RBM6: variants seen among roughly 807,000 people sequenced by gnomAD.
RBM6 encodes RNA-binding protein 6.
In RBM6, 23 loss-of-function variants were observed where a neutral mutation model predicts 140.4. That is an observed-to-expected ratio of 0.16 (90% confidence interval 0.12 to 0.23). The LOEUF is 0.23. Ranked by LOEUF, RBM6 falls within the 10% of genes least tolerant of loss-of-function variation. RBM6 has a pLI of 1.00. For missense variants in RBM6, 1,139 were observed against 1,386.7 expected (o/e 0.82, Z 2.84); for synonymous variants, 439 against 475.6 (o/e 0.92, Z 1.00).
intron 6 of RBM6, among the ~76,000 whole-genome samples, chr3:50,013,385 AAT>A (rs1465745882): frequency 6.6e-6 from 1 of 152,084 alleles, no homozygotes; most frequent in African/African-American, 2.4e-5. Context: ...AAAAACAGTG[AAT>A]AGGCCGAACG....
chr3:50,069,400 T>C (rs1321968101), intron 18 of RBM6, among the ~76,000 whole-genome samples: 1 of 151,200 alleles, frequency 6.6e-6, no homozygotes, highest in Admixed American at 6.6e-5. Context: ...TAGTCCCAGC[T>C]ACTTGAGAGG....
intron 6 of RBM6, among the ~76,000 whole-genome samples, chr3:50,020,641 G>A (rs2087428267): frequency 6.6e-6 from 1 of 152,070 alleles, no homozygotes; most frequent in Admixed American, 6.6e-5. Flanking sequence ...GCACTCTTAG[G>A]CAATTTTGTC....
At chr3:50,046,368 T>C (rs2089223536) in intron 6 of RBM6, among the ~76,000 whole-genome samples, 1 of 150,908 alleles carries the variant, frequency 6.6e-6, no homozygotes, top group African/African-American at 2.4e-5. Context: ...TTACCTAAGG[T>C]TGGGAATTCG....
At chr3:50,023,074 C>T (rs1358460140) in intron 6 of RBM6, among the ~76,000 whole-genome samples, 2 of 152,086 alleles carry the variant, frequency 1.3e-5, no homozygotes, top group African/African-American at 4.8e-5. Flanking sequence ...ACATTCCAGC[C>T]TGGGTGACAG....
At chr3:50,051,041 A>G (rs112014890) in intron 7 of RBM6, among the ~76,000 whole-genome samples, 1 of 152,124 alleles carries the variant, frequency 6.6e-6, no homozygotes, top group East Asian at 1.9e-4. Flanking sequence ...TTTCTAAAGA[A>G]AAAAAAAGAG....
chr3:49,948,160 G>C (rs1350903820), intron 1 of RBM6, among the ~76,000 whole-genome samples: 1 of 152,094 alleles, frequency 6.6e-6, no homozygotes, highest in Admixed American at 6.6e-5. Context: ...CCATTCAGTT[G>C]ATTGGTCTTT....
intron 20 of RBM6, among the ~76,000 whole-genome samples, chr3:50,076,587 CA>C (rs972135584): frequency 5.0e-5 from 7 of 140,786 alleles, no homozygotes; most frequent in Non-Finnish European, 6.1e-5. Context: ...GACTCTGTCT[CA>C]AAAAAAAAAT....
chr3:49,992,668 T>C (rs550547859), intron 5 of RBM6, among the ~76,000 whole-genome samples: 1 of 152,320 alleles, frequency 6.6e-6, no homozygotes, highest in African/African-American at 2.4e-5. Flanking sequence ...AGAAGCTACT[T>C]TTCTTGTGTG....
At chr3:50,058,324 A>T in intron 9 of RBM6, 78 bp from the exon 10 acceptor site, 1 of 1,453,436 alleles carries the variant, frequency 6.9e-7, no homozygotes, top group African/African-American at 1.4e-5. Flanking sequence ...GTAAAAAATG[A>T]CAGTCAGATT....
intron 6 of RBM6, among the ~76,000 whole-genome samples, chr3:50,004,520 C>A (rs1440987937): frequency 6.6e-6 from 1 of 150,742 alleles, no homozygotes; most frequent in Non-Finnish European, 1.5e-5. Flanking sequence ...GCAACATTCC[C>A]CAGGCTGGTC....
chr3:49,959,355 A>ATT (rs1183057889), intron 1 of RBM6, among the ~76,000 whole-genome samples: 53 of 123,290 alleles, frequency 4.3e-4, no homozygotes, highest in African/African-American at 6.6e-4. Flanking sequence ...CGCCTGGCTA[A>ATT]TTTTTTTTTT....
chr3:50,063,596 A>T (rs942939354), intron 15 of RBM6, among the ~76,000 whole-genome samples: 1 of 134,978 alleles, frequency 7.4e-6, no homozygotes, highest in Non-Finnish European at 1.6e-5. Context: ...GACTTGTCTC[A>T]AAAAAAAAAA....
chr3:50,068,725 T>C lies in RBM6; in HGVS notation c.2979T>C (p.Ser993=). The C allele has an allele frequency of 6.2e-7, 1 of 1,614,196 alleles. No individual in the cohort carries two copies. The highest frequency in any genetic ancestry group is 8.5e-7 in the Non-Finnish European group (1 of 1,180,010). ...NLEIHRKIKQ[S]EQELAYLERR... ...AAATCCACCGGAAGATAAAACAGTC[T>C]GAGCAGGAGCTAGCCTATCTGGAAA... Residue 993 remains serine, a synonymous_variant, in exon 18 of 21, where the codon TCT becomes TCC. Transcript: ENST00000266022.
At chr3:50,076,607 C>T (rs1474062685) in intron 20 of RBM6, among the ~76,000 whole-genome samples, 2 of 151,326 alleles carry the variant, frequency 1.3e-5, no homozygotes, top group East Asian at 2.0e-4. Flanking sequence ...ATTATTCTGC[C>T]AGGTGTGGTG....
At chr3:50,012,803 C>T (rs1473125286) in intron 6 of RBM6, among the ~76,000 whole-genome samples, 8 of 137,644 alleles carry the variant, frequency 5.8e-5, no homozygotes, top group African/African-American at 2.2e-4. Flanking sequence ...AGTGCAATGG[C>T]GCAATCTCGG....
At chr3:50,039,841 T>C (rs1048868585) in intron 6 of RBM6, among the ~76,000 whole-genome samples, 1 of 152,194 alleles carries the variant, frequency 6.6e-6, no homozygotes, top group Admixed American at 6.5e-5. Context: ...GAGAAAAGAT[T>C]TGAGGCTCTT....
At position 50,057,916 on chromosome 3, in the gene RBM6, CCTT is replaced by C; in HGVS notation, c.1885_1887del (p.Ser629del). The C allele has an allele frequency of 6.2e-7, 1 of 1,614,132 alleles. No individual in the cohort carries two copies. The highest frequency in any genetic ancestry group is 1.1e-5 in the South Asian group (1 of 91,086). ...GAGAGAAGCAGAAAGGTATCTGCCT[CCTT>C]CTCGAAGGGAAGGGCCAACTTTCCG... On this transcript the variant is annotated inframe_deletion, in exon 9 of 21. Transcript: ENST00000266022.
At chr3:50,033,546 G>T (rs900115792) in intron 6 of RBM6, among the ~76,000 whole-genome samples, 1 of 152,204 alleles carries the variant, frequency 6.6e-6, no homozygotes, top group Non-Finnish European at 1.5e-5. Context: ...CAGCACTGAT[G>T]TAAGTATATG....
intron 11 of RBM6, 78 bp from the exon 12 acceptor site, chr3:50,060,878 G>T: frequency 7.1e-7 from 1 of 1,415,722 alleles, no homozygotes; most frequent in South Asian, 1.6e-5. Flanking sequence ...AGGATTTCTC[G>T]ATAGGAACTG....
Sources: gnomAD v4.1 joint callset for allele counts (sites outside exome capture counted in the v4.1 genomes callset) on GRCh38, gnomAD v4.1.1 for gene constraint, MANE v1.5 for transcripts, NCBI Gene and HGNC (gene_info 2026-07-23, HGNC 2026-07-21) for gene names.